ADGRL3: variants seen among roughly 807,000 people sequenced by gnomAD.
ADGRL3 encodes the protein adhesion G protein-coupled receptor L3.
Under a neutral mutation model 153.5 loss-of-function variants are expected in ADGRL3, and 62 were observed. The ratio of observed to expected loss-of-function variants is 0.40; its 90% CI spans 0.33 to 0.50. The LOEUF (loss-of-function observed/expected upper bound fraction) is 0.50. Ranked by LOEUF, ADGRL3 falls within the 20% of genes least tolerant of loss-of-function variation. ADGRL3 has a pLI of 0.47. For missense variants in ADGRL3, 1,641 were observed against 1,859.4 expected (o/e 0.88, Z 2.16); for synonymous variants, 710 against 672.5 (o/e 1.06, Z -0.86).
chr4:62,041,078 A>T (rs1728021708), intron 24 of ADGRL3, among the ~76,000 whole-genome samples: 1 of 152,098 alleles, frequency 6.6e-6, no homozygotes, highest in Admixed American at 6.6e-5. Flanking sequence ...TGAAAATTAC[A>T]TTTTATTTTG....
chr4:61,918,705 A>G (rs2098755291), intron 13 of ADGRL3, among the ~76,000 whole-genome samples: 1 of 152,208 alleles, frequency 6.6e-6, no homozygotes, highest in Non-Finnish European at 1.5e-5. Context: ...CTGCTCAGAA[A>G]TGCTGATACA....
At chr4:61,416,073 TATAGA>T (rs1425758548) in intron 2 of ADGRL3, among the ~76,000 whole-genome samples, 1 of 152,132 alleles carries the variant, frequency 6.6e-6, no homozygotes, top group East Asian at 1.9e-4. Flanking sequence ...TTTACATTAA[TATAGA>T]ATATAGTTTT....
intron 8 of ADGRL3, among the ~76,000 whole-genome samples, chr4:61,801,994 C>G (rs1227570982): frequency 2.0e-5 from 3 of 151,762 alleles, no homozygotes; most frequent in African/African-American, 7.3e-5. Context: ...CAAGTTGTCT[C>G]TCCTTTATCA....
intron 17 of ADGRL3, among the ~76,000 whole-genome samples, chr4:61,961,700 GAGAA>G (rs2098988433): frequency 6.6e-6 from 1 of 152,164 alleles, no homozygotes; most frequent in South Asian, 2.1e-4. Flanking sequence ...TAGAGATATT[GAGAA>G]AGATAGTCTT....
chr4:61,751,841 G>A (rs553191103), intron 8 of ADGRL3, among the ~76,000 whole-genome samples: 58 of 152,060 alleles, frequency 3.8e-4, no homozygotes, highest in African/African-American at 1.4e-3. Context: ...ACAAAATGGT[G>A]GAAATGGTGA....
At chr4:61,422,041 A>G (rs990461039) in intron 2 of ADGRL3, among the ~76,000 whole-genome samples, 3 of 152,150 alleles carry the variant, frequency 2.0e-5, no homozygotes, top group Non-Finnish European at 2.9e-5. Flanking sequence ...TTTAACTTAT[A>G]TAATATTTAT....
At chr4:61,572,431 T>C (rs2098842756) in intron 4 of ADGRL3, among the ~76,000 whole-genome samples, 1 of 152,142 alleles carries the variant, frequency 6.6e-6, no homozygotes, top group Non-Finnish European at 1.5e-5. Context: ...TACCAGTTTA[T>C]AGCATAGTCT....
At chr4:61,233,965 T>C (rs1314199338) in intron 1 of ADGRL3, among the ~76,000 whole-genome samples, 1 of 152,122 alleles carries the variant, frequency 6.6e-6, no homozygotes. Context: ...GGTGATGTCA[T>C]TTTGTGGTCT....
chr4:61,221,334 G>A (rs1745388844), intron 1 of ADGRL3, among the ~76,000 whole-genome samples: 2 of 152,114 alleles, frequency 1.3e-5, no homozygotes, highest in South Asian at 4.1e-4. Context: ...GTATGAACTA[G>A]GACTCAGTGT....
At chr4:61,587,167 G>A in intron 4 of ADGRL3, 60 bp from the exon 5 acceptor site, 1 of 1,129,758 alleles carries the variant, frequency 8.9e-7, no homozygotes. Context: ...GCGAACACAT[G>A]TAATTTTCCT....
At chr4:61,459,990 G>A (rs571349304) in intron 2 of ADGRL3, among the ~76,000 whole-genome samples, 2 of 152,078 alleles carry the variant, frequency 1.3e-5, no homozygotes, top group South Asian at 4.1e-4. Flanking sequence ...CTTGTTGGAT[G>A]AGTAATTTGC....
intron 9 of ADGRL3, among the ~76,000 whole-genome samples, chr4:61,830,226 C>T (rs575540082): frequency 2.6e-4 from 40 of 151,906 alleles, no homozygotes; most frequent in Admixed American, 9.8e-4. Flanking sequence ...CAGGCTTCTA[C>T]AAAAATTTCT....
intron 6 of ADGRL3, among the ~76,000 whole-genome samples, chr4:61,700,568 A>G (rs1298428460): frequency 2.6e-5 from 4 of 152,174 alleles, no homozygotes; most frequent in African/African-American, 4.8e-5. Flanking sequence ...CTAAGGTGCC[A>G]ATGATGGTAA....
chr4:62,016,998 T>C (rs902315983), intron 21 of ADGRL3, among the ~76,000 whole-genome samples: 6 of 152,100 alleles, frequency 3.9e-5, no homozygotes, highest in Non-Finnish European at 8.8e-5. Context: ...TTATTATTAC[T>C]AAGTAAGAAA....
At chr4:61,699,967 C>A (rs28490108) in intron 6 of ADGRL3, among the ~76,000 whole-genome samples, 55,298 of 149,146 alleles carry the variant, frequency 0.37, 10,892 homozygotes, top group East Asian at 0.56. Flanking sequence ...CACACACACA[C>A]AAAAACACAC....
chr4:61,361,231 TTAA>T (rs1050359868), intron 1 of ADGRL3, among the ~76,000 whole-genome samples: 8 of 152,148 alleles, frequency 5.3e-5, no homozygotes, highest in African/African-American at 1.9e-4. Context: ...TAAAGTGGGT[TTAA>T]TAATAATAAT....
chr4:61,219,368 G>C (rs1577889226), intron 1 of ADGRL3, among the ~76,000 whole-genome samples: 1 of 152,128 alleles, frequency 6.6e-6, no homozygotes, highest in African/African-American at 2.4e-5. Context: ...CTGAAGACCT[G>C]TAACGTAACT....
intron 24 of ADGRL3, among the ~76,000 whole-genome samples, chr4:62,043,706 A>G (rs1056307807): frequency 3.9e-5 from 6 of 152,086 alleles, no homozygotes; most frequent in South Asian, 2.1e-4. Context: ...CCCATAACTC[A>G]GTAAACTGAT....
intron 1 of ADGRL3, among the ~76,000 whole-genome samples, chr4:61,246,779 G>A (rs1027698599): frequency 1.2e-4 from 18 of 151,258 alleles, no homozygotes; most frequent in African/African-American, 4.4e-4. Context: ...TTCCAATTCT[G>A]AGCCATCCCT....
Sources: allele counts gnomAD v4.1 joint callset (sites outside exome capture counted in the v4.1 genomes callset), GRCh38; gene constraint gnomAD v4.1.1; transcripts MANE v1.5; gene names NCBI Gene and HGNC (gene_info 2026-07-23, HGNC 2026-07-21).